Variants in DIP2C observed in about 807,000 individuals in gnomAD.
DIP2C encodes disco-interacting protein 2 homolog C.
Under a neutral mutation model 192.4 loss-of-function variants are expected in DIP2C, and 33 were observed. The ratio of observed to expected loss-of-function variants is 0.17; its 90% CI spans 0.13 to 0.23. The LOEUF (loss-of-function observed/expected upper bound fraction) is 0.23, where lower values mean the gene tolerates loss of function less well. DIP2C is among the 10% of genes least tolerant of loss of function. The pLI is 1.00. For synonymous variants in DIP2C, 979 were observed against 864.1 expected (o/e 1.13, Z -2.33); for missense variants, 1,537 against 2,110.1 (o/e 0.73, Z 5.32).
rs1955125913 is a variant in DIP2C at position 286,313 on chromosome 10, G to A, written c.4079C>T (p.Pro1360Leu). 6.2e-7 allele frequency: 1 copy of A among 1,613,944 alleles called. No homozygotes were observed. The highest frequency in any genetic ancestry group is 1.7e-5 in the Admixed American group (1 of 60,000). ...GTCCCCCAGCGGTCCTTTTGTTTCT[G>A]GGTTGGCAATTATAATCCGAACCCC... ...LPGVRIIIANPETKGPLGDSH... is the reference protein window; with the variant it reads ...LPGVRIIIANLETKGPLGDSH... Residue 1360 changes from proline to leucine, a missense_variant, in exon 34 of 37, where the codon CCA becomes CTA. By Grantham distance (98) the Pro-to-Leu change is moderately conservative. Around this residue, in one of 4 missense-constraint regions of DIP2C, gnomAD observed 341 missense variants for 551.7 expected, o/e 0.62. Transcript: ENST00000280886.
intron 1 of DIP2C, among the ~76,000 whole-genome samples, chr10:580,578 G>A (rs891265959): frequency 6.6e-6 from 1 of 152,144 alleles, no homozygotes; most frequent in Non-Finnish European, 1.5e-5. Flanking sequence ...GACACATGTA[G>A]TGTACATACC....
At chr10:474,756 T>C (rs1970928807) in intron 2 of DIP2C, among the ~76,000 whole-genome samples, 2 of 152,226 alleles carry the variant, frequency 1.3e-5, no homozygotes, top group Non-Finnish European at 2.9e-5. Flanking sequence ...TACGGACTTC[T>C]GGGTGAAAAT....
In DIP2C at chr10:292,433, T is replaced by C. The variant is rs1470962202; in HGVS notation, c.3987-4012A>G. 2.6e-5 allele frequency among the ~76,000 whole-genome samples: 4 copies of C among 152,238 alleles called. No individual in the cohort carries two copies. In the East Asian group the frequency reaches 7.7e-4, roughly 29 times the overall value. On this transcript the variant is annotated intron_variant, in intron 32 of 36. Coordinates refer to ENST00000280886, the MANE Select transcript of DIP2C (RefSeq NM_014974.3). ...TGTCTTTTCATCCTACGCTGTCAAG[T>C]GGACTTGAAGTTCGGACTTTTGCTA...
chr10:524,907 T>A (rs1846957505), intron 1 of DIP2C, among the ~76,000 whole-genome samples: 1 of 147,056 alleles, frequency 6.8e-6, no homozygotes, highest in Admixed American at 6.8e-5. Context: ...CCCGTGCAGA[T>A]GTTTCCAAAG....
chr10:669,438 A>G (rs1857309677), intron 1 of DIP2C: 2 of 152,216 alleles, frequency 1.3e-5, no homozygotes, highest in Admixed American at 1.3e-4. Flanking sequence ...AGCCCGTGGT[A>G]ACAGTGTTAG....
At chr10:321,281 C>T (rs908809920) in intron 31 of DIP2C, among the ~76,000 whole-genome samples, 1 of 152,228 alleles carries the variant, frequency 6.6e-6, no homozygotes, top group Non-Finnish European at 1.5e-5. Flanking sequence ...CTCAGGAGCA[C>T]CGGTGAGGCC....
At chr10:531,319 G>A (rs942460532) in intron 1 of DIP2C, among the ~76,000 whole-genome samples, 1 of 151,902 alleles carries the variant, frequency 6.6e-6, no homozygotes, top group Non-Finnish European at 1.5e-5. Context: ...CACACACAGC[G>A]AACAAACTCC....
At chr10:392,802 TGCGCACACTCA>T (rs1174963755) in intron 10 of DIP2C, among the ~76,000 whole-genome samples, 5 of 149,118 alleles carry the variant, frequency 3.4e-5, no homozygotes, top group Non-Finnish European at 7.4e-5. Flanking sequence ...CACACGCGGA[TGCGCACACTCA>T]GCGCACACAC....
intron 1 of DIP2C, among the ~76,000 whole-genome samples, chr10:534,482 C>T (rs1031588246): frequency 1.1e-4 from 17 of 152,106 alleles, no homozygotes; most frequent in Admixed American, 4.6e-4. Context: ...AAGAAGTTAG[C>T]GCACATTCCT....
At chr10:445,927 TCAC>T in intron 3 of DIP2C, among the ~76,000 whole-genome samples, 20 of 152,020 alleles carry the variant, frequency 1.3e-4, no homozygotes, top group African/African-American at 4.6e-4. Context: ...TTGTGAAGTC[TCAC>T]AGGCCCACTG....
intron 1 of DIP2C, among the ~76,000 whole-genome samples, chr10:585,244 C>T (rs1850946642): frequency 6.6e-6 from 1 of 152,190 alleles, no homozygotes; most frequent in Non-Finnish European, 1.5e-5. Flanking sequence ...GTTCCCCATC[C>T]CACGCCACCC....
chr10:348,900 T>C (rs1958652171), intron 25 of DIP2C, 138 bp from the exon 26 acceptor site: 1 of 1,327,056 alleles, frequency 7.5e-7, no homozygotes, highest in Non-Finnish European at 1.0e-6. Context: ...TCCGTCATCC[T>C]GGCGGGTTTT....
At chr10:344,774 C>A in intron 28 of DIP2C, 35 bp downstream of exon 28, 1 of 1,547,082 alleles carries the variant, frequency 6.5e-7, no homozygotes, top group South Asian at 1.2e-5. Flanking sequence ...TCCGCAGTTG[C>A]CTCCATGGCC....
intron 1 of DIP2C, among the ~76,000 whole-genome samples, chr10:504,077 C>A (rs1845425906): frequency 6.6e-6 from 1 of 152,240 alleles, no homozygotes; most frequent in Admixed American, 6.5e-5. Context: ...AATACTCTCT[C>A]TTCATCTCAC....
chr10:388,481 G>C (rs898445330), intron 13 of DIP2C, among the ~76,000 whole-genome samples: 1 of 152,202 alleles, frequency 6.6e-6, no homozygotes, highest in Non-Finnish European at 1.5e-5. Flanking sequence ...AAAGGCTAAA[G>C]TGTGGAGGAT....
chr10:492,756 T>C (rs550770736), intron 1 of DIP2C, among the ~76,000 whole-genome samples: 2 of 152,218 alleles, frequency 1.3e-5, no homozygotes, highest in Non-Finnish European at 2.9e-5. Flanking sequence ...AAATTTGTAT[T>C]GTCCCCTGTA....
intron 1 of DIP2C, among the ~76,000 whole-genome samples, chr10:539,568 A>G (rs1255956253): frequency 1.3e-5 from 2 of 152,226 alleles, no homozygotes; most frequent in African/African-American, 2.4e-5. Context: ...AATGGCTATA[A>G]TAGAAAATAT....
At chr10:295,141 T>G (rs935556453) in intron 32 of DIP2C, among the ~76,000 whole-genome samples, 2 of 149,584 alleles carry the variant, frequency 1.3e-5, no homozygotes, top group Non-Finnish European at 3.0e-5. Context: ...ATTAGGAAAA[T>G]AAAGAAATAA....
At chr10:661,879 A>T in intron 1 of DIP2C, 1 of 603,078 alleles carries the variant, frequency 1.7e-6, no homozygotes, top group South Asian at 2.0e-5. Flanking sequence ...CCTGATTTCC[A>T]GCAAAGCACA....
Sources: allele counts gnomAD v4.1 joint callset (sites outside exome capture counted in the v4.1 genomes callset), GRCh38; gene constraint gnomAD v4.1.1; regional missense constraint gnomAD v4.1.1; transcripts MANE v1.5; gene names NCBI Gene and HGNC (gene_info 2026-07-23, HGNC 2026-07-21).